SPATA18: variants seen among roughly 807,000 people sequenced by gnomAD.
SPATA18 encodes spermatogenesis associated 18, also known as mitochondria-eating protein.
Under a neutral mutation model 68.1 loss-of-function variants are expected in SPATA18, and 54 were observed. That is an observed-to-expected ratio of 0.79 (90% CI 0.64 to 0.99). The LOEUF is 0.99. SPATA18 is among the 50% of genes least tolerant of loss of function. The probability of loss-of-function intolerance (pLI) is 0.00; values close to 1 mark genes in which losing one functional copy is unlikely to be tolerated. For synonymous variants in SPATA18, 242 were observed against 244.8 expected (o/e 0.99, Z 0.11); for missense variants, 724 against 681.1 (o/e 1.06, Z -0.70).
At chr4:52,083,116 C>T (rs910041042) in intron 10 of SPATA18, 110 of 985,108 alleles carry the variant, frequency 1.1e-4, no homozygotes, top group Non-Finnish European at 1.2e-4. Context: ...TCTTAGGTAC[C>T]GTATGTGAGC....
chr4:52,072,720 T>G (rs963577089), intron 6 of SPATA18, among the ~76,000 whole-genome samples: 4 of 152,196 alleles, frequency 2.6e-5, no homozygotes, highest in Non-Finnish European at 2.9e-5. Context: ...GGAAAGTTCT[T>G]TGGCTTGAAA....
At chr4:52,078,614 CTGTGTTT>C in intron 7 of SPATA18, 114 bp from the exon 8 acceptor site, 1 of 840,358 alleles carries the variant, frequency 1.2e-6, no homozygotes, top group Non-Finnish European at 1.8e-6. Flanking sequence ...TTTTGATCAA[CTGTGTTT>C]AGTTATCAGA....
intron 11 of SPATA18, among the ~76,000 whole-genome samples, chr4:52,087,622 G>T (rs1206455548): frequency 6.6e-6 from 1 of 152,016 alleles, no homozygotes; most frequent in Admixed American, 6.5e-5. Context: ...CTGTTCCATT[G>T]GTCTATATAT....
At chr4:52,070,545 G>GT (rs887167104) in intron 5 of SPATA18, among the ~76,000 whole-genome samples, 4 of 142,944 alleles carry the variant, frequency 2.8e-5, no homozygotes, top group Admixed American at 1.4e-4. Context: ...GGGGTAGGGG[G>GT]AGGGGGGAGG....
chr4:52,061,315 T>G (rs561459128), intron 3 of SPATA18, among the ~76,000 whole-genome samples: 1 of 151,938 alleles, frequency 6.6e-6, no homozygotes, highest in Non-Finnish European at 1.5e-5. Context: ...CAGCAGGGCC[T>G]GTTGGGGGAT....
rs1676397405 is a variant in SPATA18, at chr4:52,079,744, G to A, written c.1180G>A (p.Asp394Asn). Residue 394 changes from aspartate (D) to asparagine (N), a missense_variant and splice_region_variant, in exon 9 of 13, where the codon GAT (aspartate) becomes AAT (asparagine). Coordinates refer to ENST00000295213, the MANE Select transcript of SPATA18 (RefSeq NM_145263.4). ...AGTGATGCCATCTTTTGTTTTTCAG[G>A]ATGTGATCCGAGCCATGAATGTCAA... ...DLYDSQSSVN[D>N]VIRAMNVNPK... 3.1e-6 allele frequency: 5 copies of A among 1,613,454 alleles called. No homozygotes were observed. The highest frequency in any genetic ancestry group is 4.2e-6 in the Non-Finnish European group (5 of 1,179,700).
Position 52,072,094 on chromosome 4 carries a change from G to T in SPATA18, c.696G>T (p.Gln232His). 6.2e-7 allele frequency: 1 copy of T among 1,614,058 alleles called. No individual in the cohort carries two copies. The highest frequency in any genetic ancestry group is 8.5e-7 in the Non-Finnish European group (1 of 1,180,028). The part of the protein sequence containing the change: ...DTEAMSDYKK[Q>H]LRNLKEEIAV... ...AAGCCATGTCCGATTATAAGAAACA[G>T]CTCCGAAACCTGAAGGAGGAGATAG... Residue 232 changes from glutamine to histidine, a missense_variant, in exon 6 of 13, where the codon CAG (glutamine) becomes CAT (histidine). Transcript: ENST00000295213.
rs748412723 is a variant in SPATA18 at position 52,072,021 on chromosome 4, G to C, written c.623G>C (p.Arg208Pro). The C allele has an allele frequency of 1.2e-6, 2 of 1,613,922 alleles. No individual in the cohort carries two copies. The highest frequency in any genetic ancestry group is 3.3e-5 in the Admixed American group (2 of 59,994). ...SEPWSLEERK[R>P]EQWNSLKQNA... ...CCTTGGAGCTTGGAGGAGCGGAAGC[G>C]TGAGCAGTGGAACTCACTCAAGCAG... The change falls in exon 6 of 13, where the codon CGT (arginine) becomes CCT (proline). Residue 208 changes from arginine to proline, a missense_variant. Transcript: ENST00000295213.
At position 52,066,224 on chromosome 4, in the gene SPATA18, C is replaced by T. The variant is rs1477079504; in HGVS notation, c.423-3597C>T. ...GGGGTGCAGTGGTGCGATCTCGGCT[C>T]ACTGCAAGCTATGCCTCCTGGGTTC... is the stretch of plus-strand genomic sequence containing the variant. On this transcript the variant is annotated intron_variant, in intron 4 of 12. Transcript: ENST00000295213. 4.6e-5 allele frequency among the ~76,000 whole-genome samples: 7 copies of T among 152,302 alleles called. No homozygotes were observed. The East Asian group carries it at 1.2e-3, about 25-fold the overall frequency.
chr4:52,061,786 A>C (rs1738880594), intron 3 of SPATA18, among the ~76,000 whole-genome samples: 1 of 152,120 alleles, frequency 6.6e-6, no homozygotes, highest in African/African-American at 2.4e-5. Flanking sequence ...TACTTTATAG[A>C]CTTCAGTTAT....
intron 5 of SPATA18, among the ~76,000 whole-genome samples, chr4:52,070,141 T>C (rs1739678951): frequency 1.3e-5 from 2 of 151,822 alleles, no homozygotes; most frequent in African/African-American, 4.8e-5. Flanking sequence ...CCTTTCATAA[T>C]TGCAGAGCCA....
intron 1 of SPATA18, among the ~76,000 whole-genome samples, chr4:52,060,146 T>C (rs1738703167): frequency 6.6e-6 from 1 of 152,240 alleles, no homozygotes; most frequent in African/African-American, 2.4e-5. Flanking sequence ...CAAGAGGTTC[T>C]CTTCTGGGCC....
intron 10 of SPATA18, 79 bp from the exon 11 acceptor site, chr4:52,084,837 G>A: frequency 3.0e-6 from 4 of 1,325,944 alleles, no homozygotes; most frequent in Non-Finnish European, 4.3e-6. Context: ...TTATTCTGTG[G>A]GATATGCATG....
chr4:52,060,315 T>A, intron 1 of SPATA18, 104 bp from the exon 2 acceptor site: 2 of 826,922 alleles, frequency 2.4e-6, no homozygotes, highest in Non-Finnish European at 3.9e-6. Flanking sequence ...CACAAAAGCA[T>A]ACCAGAGCCA....
rs923181692 is a variant in SPATA18 at position 52,057,058 on chromosome 4, T to C, written c.88-3361T>C. ...ACCTCACCAGAGGTTATTTTTCTGC[T>C]CCTATAGCTTGTTATCCACACAGAG... On this transcript the variant is annotated intron_variant, in intron 1 of 12. Transcript: ENST00000295213. Among the ~76,000 whole-genome samples, 6 of 152,112 alleles carry C rather than the reference T, an allele frequency of 3.9e-5. No individual in the cohort carries two copies. In the East Asian group the frequency reaches 1.2e-3, roughly 29 times the overall value.
In SPATA18 at chr4:52,076,839, A is replaced by C; in HGVS notation, c.819A>C (p.Arg273Ser). The change falls in exon 7 of 13, where the codon AGA becomes AGC. Residue 273 changes from arginine to serine, a missense_variant. Physicochemically the swap from Arg to Ser is moderately radical, Grantham distance 110. Coordinates refer to ENST00000295213, the MANE Select transcript of SPATA18 (RefSeq NM_145263.4). ...GCAGCCGTAGCTGCAGCCGCAGCAG[A>C]TCTGCCAGCCCCTCCACCGCTGTCA... is the stretch of plus-strand genomic sequence containing the variant. ...APRSRSCSRS[R>S]SASPSTAVKV... The C allele has an allele frequency of 6.2e-7, 1 of 1,614,160 alleles. No individual in the cohort carries two copies. Among genetic ancestry groups the C allele is most frequent in the Non-Finnish European group, 8.5e-7 (1 of 1,180,002 alleles).
intron 10 of SPATA18, among the ~76,000 whole-genome samples, chr4:52,084,308 C>T (rs1741230202): frequency 2.0e-5 from 3 of 152,188 alleles, no homozygotes; most frequent in African/African-American, 4.8e-5. Context: ...TTTGTCCAAG[C>T]TTAAACCCTA....
chr4:52,071,870 C>A, intron 5 of SPATA18, 47 bp from the exon 6 acceptor site: 2 of 1,585,918 alleles, frequency 1.3e-6, no homozygotes, highest in South Asian at 1.1e-5. Context: ...TTCACTCCCT[C>A]CCCTCTCCTC....
At position 52,076,910 on chromosome 4, in the gene SPATA18, C is replaced by T. The variant is rs745462753; in HGVS notation, c.890C>T (p.Ala297Val). Residue 297 changes from alanine to valine, a missense_variant, in exon 7 of 13, where the codon GCG becomes GTG. Transcript: ENST00000295213. The stretch of plus-strand genomic sequence containing the variant: ...AACCGCTCCAAGCTGTCCAATGTGG[C>T]GCGCAAGGCTGCCCTCTTGTCCCGG... Reference protein sequence around the residue: ...SPNRSKLSNVARKAALLSRFS... With the variant: ...SPNRSKLSNVVRKAALLSRFS... 2.5e-6 allele frequency: 4 copies of T among 1,614,092 alleles called. No homozygotes were observed. Among genetic ancestry groups the T allele is most frequent in the East Asian group, 2.2e-5 (1 of 44,872 alleles).
Sources: gnomAD v4.1 joint callset for allele counts (sites outside exome capture counted in the v4.1 genomes callset) on GRCh38, gnomAD v4.1.1 for gene constraint, MANE v1.5 for transcripts, NCBI Gene and HGNC (gene_info 2026-07-23, HGNC 2026-07-21) for gene names.